The following LIMS2 variants were observed in gnomAD, a reference collection of about 807,000 sequenced individuals.
LIMS2 encodes LIM and senescent cell antigen-like-containing domain protein 2.
LIMS2 carries 30 observed loss-of-function variants against 45.3 expected under a neutral mutation model. That is an observed-to-expected ratio of 0.66 (90% CI 0.50 to 0.90). The LOEUF (loss-of-function observed/expected upper bound fraction) is 0.90, where lower values mean the gene tolerates loss of function less well. Ranked by LOEUF, LIMS2 falls within the 40% of genes least tolerant of loss-of-function variation. The pLI, the probability that LIMS2 is intolerant of heterozygous loss-of-function variation, is 0.00. For missense variants in LIMS2, 485 were observed against 468.7 expected (o/e 1.03, Z -0.32); for synonymous variants, 173 against 188.0 (o/e 0.92, Z 0.65).
intron 1 of LIMS2, among the ~76,000 whole-genome samples, chr2:127,661,474 T>C (rs1356589549): frequency 6.6e-6 from 1 of 152,118 alleles, no homozygotes; most frequent in African/African-American, 2.4e-5. Context: ...CTGCGAGAGG[T>C]CAGAGGGTCA....
At chr2:127,640,789 C>T in intron 7 of LIMS2, 107 bp downstream of exon 7, 1 of 999,864 alleles carries the variant, frequency 1.0e-6, no homozygotes, top group Non-Finnish European at 1.6e-6. Context: ...CTGGGCTCAG[C>T]ACCTGGCAGA....
At chr2:127,650,336 TCAGA>T (rs1683601930) in intron 4 of LIMS2, 4 of 556,432 alleles carry the variant, frequency 7.2e-6, no homozygotes, top group Middle Eastern at 4.7e-4. Flanking sequence ...CCCCTGTCAC[TCAGA>T]CAGCACACCT....
At position 127,640,195 on chromosome 2, in the gene LIMS2, C is replaced by T. The variant is rs762919849; in HGVS notation, c.803-50G>A. The T allele has an allele frequency of 3.1e-6, 5 of 1,612,182 alleles. No individual in the cohort carries two copies. In the East Asian group the frequency reaches 1.1e-4, roughly 36 times the overall value. On this transcript the variant is annotated intron_variant, in intron 8 of 9. Transcript: ENST00000355119. ...CAGGCCTGGCTAGGCTGCCGCAGGC[C>T]CGGCTGGGCTCACAGCTGCAGCACC...
intron 1 of LIMS2, chr2:127,673,776 G>A (rs1685383081): frequency 6.5e-7 from 1 of 1,546,742 alleles, no homozygotes; most frequent in Non-Finnish European, 8.7e-7. Flanking sequence ...CCAGCCAGCT[G>A]GCAGGGATGC....
rs566548915 is a variant in LIMS2 at position 127,640,020 on chromosome 2, G to A, written c.878+50C>T. On this transcript the variant is annotated intron_variant, in intron 9 of 9. Transcript: ENST00000355119. ...GGAGGGCTGCTGAGAGGAAGGACCT[G>A]CAGGAGCCCCCTCCACCCTGAGCCC... The A allele has an allele frequency of 2.5e-6, 4 of 1,572,256 alleles. No individual in the cohort carries two copies. The South Asian group carries it at 3.3e-5, about 13-fold the overall frequency.
chr2:127,651,880 T>C, intron 4 of LIMS2: 1 of 854,320 alleles, frequency 1.2e-6, no homozygotes, highest in South Asian at 1.7e-5. Context: ...ATGCCCACCA[T>C]TTCTCTAGAT....
chr2:127,645,625 G>A (rs963859597), intron 4 of LIMS2, among the ~76,000 whole-genome samples: 2 of 152,350 alleles, frequency 1.3e-5, no homozygotes, highest in Non-Finnish European at 2.9e-5. Context: ...TCCAGATAAA[G>A]GCCATGATTT....
At chr2:127,639,752 C>CAG (rs1682215210) in intron 9 of LIMS2, among the ~76,000 whole-genome samples, 4 of 152,232 alleles carry the variant, frequency 2.6e-5, no homozygotes, top group Non-Finnish European at 4.4e-5. Context: ...GGATGAGCAG[C>CAG]TGACACTGCT....
At position 127,664,413 on chromosome 2, in the gene LIMS2, C is replaced by T; in HGVS notation, c.12-6851G>A. 3 of 1,194,758 alleles carry T rather than the reference C, an allele frequency of 2.5e-6. No homozygotes were observed. The highest frequency in any genetic ancestry group is 3.1e-6 in the Non-Finnish European group (3 of 964,070). The allele number at this position is 1,194,758 out of a possible 1,614,324, so 74.0% of individuals were successfully genotyped here. On this transcript the variant is annotated intron_variant, in intron 1 of 9. Transcript: ENST00000355119. The surrounding 1 kb of genome is among the most constrained non-coding windows in gnomAD (Gnocchi z 5.5). ...TGGCGCGGGGCAGCCGCCTTGAGGT[C>T]GCGGGCGCGGGCCGCCTGGTGCAGG...
At chr2:127,643,981 G>A (rs1433490882) in intron 4 of LIMS2, 8 of 449,990 alleles carry the variant, frequency 1.8e-5, no homozygotes, top group Middle Eastern at 3.3e-4. Flanking sequence ...AGATCCAATC[G>A]CAGACCCAAG....
At chr2:127,665,107 A>G (rs1684936556) in intron 1 of LIMS2, among the ~76,000 whole-genome samples, 1 of 152,156 alleles carries the variant, frequency 6.6e-6, no homozygotes. Context: ...TTACCCAGAG[A>G]GACTGGCAAA....
At chr2:127,676,601 G>A (rs973320505), upstream of LIMS2, among the ~76,000 whole-genome samples, 3 of 151,950 alleles carry the variant, frequency 2.0e-5, no homozygotes, top group Non-Finnish European at 4.4e-5. Flanking sequence ...GATAGAGATG[G>A]GTTTCACCAT....
In LIMS2 at chr2:127,640,905, G is replaced by T; in HGVS notation, c.744C>A (p.His248Gln). The T allele has an allele frequency of 6.2e-7, 1 of 1,613,706 alleles. No homozygotes were observed. Among genetic ancestry groups the T allele is most frequent in the Non-Finnish European group, 8.5e-7 (1 of 1,179,826 alleles). ...TCTGCACCGGGCTCACCTGGTTGTA[G>T]TGAGTCTCGCAGTAGGCCAGGCCCT... ...EKKGLAYCETHYNQLFGDVCY... is the reference protein window; with the variant it reads ...EKKGLAYCETQYNQLFGDVCY... Residue 248 changes from histidine to glutamine, a missense_variant, in exon 7 of 10, where the codon CAC (histidine) becomes CAA (glutamine). By Grantham distance (24) the His-to-Gln change is conservative (BLOSUM62 0). Coordinates refer to ENST00000355119, the MANE Select transcript of LIMS2 (RefSeq NM_001161403.3).
chr2:127,639,360 A>G lies in LIMS2; in HGVS notation c.947T>C (p.Leu316Pro). 6.2e-7 allele frequency: 1 copy of G among 1,613,928 alleles called. No individual in the cohort carries two copies. The highest frequency in any genetic ancestry group is 8.5e-7 in the Non-Finnish European group (1 of 1,179,928). ...KRCYEKFPLELKKRLKKLSEL... is the reference protein window; with the variant it reads ...KRCYEKFPLEPKKRLKKLSEL... ...CGACAGCTTCTTCAGCCGCTTCTTC[A>G]GCTCCAGCGGGAACTTCTCGTAGCA... is the stretch of plus-strand genomic sequence containing the variant. Residue 316 changes from leucine to proline, a missense_variant, in exon 10 of 10, where the codon CTG (leucine) becomes CCG (proline). Transcript: ENST00000355119.
intron 1 of LIMS2, among the ~76,000 whole-genome samples, chr2:127,669,018 G>A (rs1685162896): frequency 6.6e-6 from 1 of 152,094 alleles, no homozygotes; most frequent in Non-Finnish European, 1.5e-5. Context: ...CCTGAGCCCA[G>A]GGAGGTTGAG....
At chr2:127,640,768 A>G in intron 7 of LIMS2, 128 bp downstream of exon 7, 1 of 775,860 alleles carries the variant, frequency 1.3e-6, no homozygotes, top group South Asian at 1.6e-5. Context: ...GCCAGGGCTG[A>G]GGGTGCAGGC....
At chr2:127,656,418 T>TC (rs1684257552) in intron 2 of LIMS2, among the ~76,000 whole-genome samples, 1 of 147,932 alleles carries the variant, frequency 6.8e-6, no homozygotes, top group Admixed American at 6.7e-5. Flanking sequence ...TTTCTTTCTT[T>TC]TTTTTTTTTT....
chr2:127,656,957 C>T (rs1361416881), intron 2 of LIMS2, among the ~76,000 whole-genome samples: 2 of 152,206 alleles, frequency 1.3e-5, no homozygotes, highest in African/African-American at 2.4e-5. Flanking sequence ...TGTGCATATG[C>T]GGTGCCCTCT....
At chr2:127,650,986 T>C in intron 4 of LIMS2, 6 of 1,613,832 alleles carry the variant, frequency 3.7e-6, no homozygotes, top group East Asian at 2.2e-5. Flanking sequence ...GTGCTGGTCC[T>C]GCCCACCCGC....
Sources: allele counts gnomAD v4.1 joint callset (sites outside exome capture counted in the v4.1 genomes callset), GRCh38; gene constraint gnomAD v4.1.1; non-coding constraint Gnocchi (gnomAD v3.1); transcripts MANE v1.5; gene names NCBI Gene and HGNC (gene_info 2026-07-23, HGNC 2026-07-21).